SLC11A1: variants seen among roughly 807,000 people sequenced by gnomAD.
SLC11A1 encodes the protein solute carrier family 11 member 1.
Under a neutral mutation model 63.2 loss-of-function variants are expected in SLC11A1, and 59 were observed. The ratio of observed to expected loss-of-function variants is 0.93; its 90% CI spans 0.76 to 1.16. The LOEUF is 1.16. SLC11A1 is among the 50% of genes most tolerant of loss of function. The pLI, the probability that SLC11A1 is intolerant of heterozygous loss-of-function variation, is 0.00. For synonymous variants in SLC11A1, 305 were observed against 307.8 expected (o/e 0.99, Z 0.09); for missense variants, 688 against 730.7 (o/e 0.94, Z 0.67).
Position 218,384,777 on chromosome 2 carries a change from G to A in SLC11A1, c.274-370G>A. 1 of 247,896 alleles carries A rather than the reference G, an allele frequency of 4.0e-6. No homozygotes were observed. The highest frequency in any genetic ancestry group is 8.0e-6 in the Non-Finnish European group (1 of 124,472). The allele number at this position is 247,896 out of a possible 1,614,324, so 15.4% of individuals were successfully genotyped here. A position where few individuals can be genotyped will look rare whatever the true frequency, so the allele number is the denominator to read the frequency against. ...TAATTTTTGTATTTTTAGTAGAGAT[G>A]GGGTTTCACTGTGTGGGCCAGGCTG... On this transcript the variant is annotated intron_variant, in intron 3 of 14. Transcript: ENST00000233202. The surrounding 1 kb of genome is among the most constrained non-coding windows in gnomAD (Gnocchi z 4.0).
At chr2:218,391,157 G>A (rs773355520) in intron 9 of SLC11A1, 41 bp from the exon 10 acceptor site, 89 of 1,575,282 alleles carry the variant, frequency 5.6e-5, no homozygotes, top group African/African-American at 1.8e-4. Context: ...AAGGCTGAGC[G>A]TGCTCCTCAC....
At position 218,384,310 on chromosome 2, in the gene SLC11A1, T is replaced by G. The variant is rs754628001; in HGVS notation, c.218T>G (p.Leu73Arg). 1 of 1,608,978 alleles carries G rather than the reference T, an allele frequency of 6.2e-7. No individual in the cohort carries two copies. Among genetic ancestry groups the G allele is most frequent in the Non-Finnish European group, 8.5e-7 (1 of 1,176,486 alleles). The part of the protein sequence containing the change: ...GPGFLMSIAF[L>R]DPGNIESDLQ... ...GGCTTCCTCATGAGCATTGCTTTCCTGGACCCAGGAAACATCGAGTCAGAT... is the reference window on the plus strand; with the variant it reads ...GGCTTCCTCATGAGCATTGCTTTCCGGGACCCAGGAAACATCGAGTCAGAT... The change falls in exon 3 of 15, where the codon CTG becomes CGG. Residue 73 changes from leucine (L) to arginine (R), a missense_variant. Physicochemically the swap from Leu to Arg is moderately radical, Grantham distance 102. Transcript: ENST00000233202. This position sits in a 1 kb window ranked among gnomAD's most constrained non-coding sequence, Gnocchi z 4.0.
chr2:218,387,282 C>G lies in SLC11A1; in HGVS notation c.571+52C>G, dbSNP rs753757940. On this transcript the variant is annotated intron_variant, in intron 6 of 14. Transcript: ENST00000233202. The stretch of plus-strand genomic sequence containing the variant: ...GAGTGGTGGTGGTGAGGGTGCTGTA[C>G]TGGGAGAAGGGCTCTGACATCGAAC... 4.6e-6 allele frequency: 7 copies of G among 1,520,540 alleles called. No homozygotes were observed. In the Admixed American group the frequency reaches 7.0e-5, roughly 15 times the overall value. 94.2% of individuals were successfully genotyped at this position (1,520,540 alleles called of 1,614,324 possible). A position where few individuals can be genotyped will look rare whatever the true frequency, so the allele number is the denominator to read the frequency against.
In SLC11A1 at chr2:218,385,241, A is replaced by G; in HGVS notation, c.368A>G (p.Glu123Gly). The G allele has an allele frequency of 1.2e-6, 2 of 1,613,980 alleles. No individual in the cohort carries two copies. The highest frequency in any genetic ancestry group is 1.7e-6 in the Non-Finnish European group (2 of 1,179,882). Reference sequence around the variant, plus strand: ...GTGGTGACAGGCAAGGACTTGGGCGAGGTCTGCCATCTCTACTACCCTAAG... The same window carrying G: ...GTGGTGACAGGCAAGGACTTGGGCGGGGTCTGCCATCTCTACTACCCTAAG... Reference protein sequence around the residue: ...LGVVTGKDLGEVCHLYYPKVP... With the variant: ...LGVVTGKDLGGVCHLYYPKVP... The change falls in exon 4 of 15, where the codon GAG (glutamate) becomes GGG (glycine). Residue 123 changes from glutamate to glycine, a missense_variant. Physicochemically the swap from Glu to Gly is moderately conservative, Grantham distance 98. Transcript: ENST00000233202.
chr2:218,384,088 T>A lies in SLC11A1; in HGVS notation c.151-155T>A, dbSNP rs1420120286. On this transcript the variant is annotated intron_variant, in intron 2 of 14. Coordinates refer to ENST00000233202, the MANE Select transcript of SLC11A1 (RefSeq NM_000578.4). The surrounding 1 kb of genome is among the most constrained non-coding windows in gnomAD (Gnocchi z 4.0). ...CATGCTGCTTCCTCCACCCATGCCC[T>A]CCCCATCCCTTGGGTGGCAGACCCA... 1.5e-6 allele frequency: 1 copy of A among 650,556 alleles called. No homozygotes were observed. The highest frequency in any genetic ancestry group is 2.9e-5 in the Admixed American group (1 of 34,490). The allele number at this position is 650,556 out of a possible 1,614,324, so 40.3% of individuals were successfully genotyped here.
At position 218,394,772 on chromosome 2, in the gene SLC11A1, T is replaced by G. The variant is rs761639098; in HGVS notation, c.1529T>G (p.Leu510Arg). The part of the protein sequence containing the change: ...AALLAAAYLG[L>R]STYLVWTCCL... ...TTGCTGGCCGCAGCCTACCTGGGCCTCAGCACCTACCTGGTACAGTAGGGC... is the reference window on the plus strand; with the variant it reads ...TTGCTGGCCGCAGCCTACCTGGGCCGCAGCACCTACCTGGTACAGTAGGGC... The change falls in exon 14 of 15, where the codon CTC becomes CGC. Residue 510 changes from leucine to arginine, a missense_variant. Coordinates refer to ENST00000233202, the MANE Select transcript of SLC11A1 (RefSeq NM_000578.4). 5 of 1,612,626 alleles carry G rather than the reference T, an allele frequency of 3.1e-6. No homozygotes were observed. Among genetic ancestry groups the G allele is most frequent in the Non-Finnish European group, 4.2e-6 (5 of 1,180,020 alleles).
intron 11 of SLC11A1, chr2:218,392,054 C>CCTTTT (rs903885732): frequency 7.9e-6 from 3 of 381,840 alleles, no homozygotes; most frequent in African/African-American, 2.2e-5. Context: ...CTGCGTCCGG[C>CCTTTT]CTTTTCTTTT....
intron 1 of SLC11A1, 112 bp from the exon 2 acceptor site, chr2:218,382,848 G>C: frequency 7.3e-7 from 1 of 1,367,016 alleles, no homozygotes; most frequent in Non-Finnish European, 1.0e-6. Context: ...TGGGGGCCAG[G>C]GACCTTAGTT....
Position 218,395,439 on chromosome 2 carries a change from G to T in SLC11A1, c.*404G>T, listed in dbSNP as rs1265051315. The T allele has an allele frequency of 1.1e-5, 2 of 176,346 alleles. No homozygotes were observed. Among genetic ancestry groups the T allele is most frequent in the Non-Finnish European group, 2.4e-5 (2 of 82,640 alleles). The allele number at this position is 176,346 out of a possible 1,614,324, so 10.9% of individuals were successfully genotyped here. A position where few individuals can be genotyped will look rare whatever the true frequency, so the allele number is the denominator to read the frequency against. ...ACTGGAGCTTGAAATAGTGTCTGAT[G>T]AATGTTAAATTATCTATCTATCTAT... On this transcript the variant is annotated 3_prime_UTR_variant, in exon 15 of 15. Coordinates refer to ENST00000233202, the MANE Select transcript of SLC11A1 (RefSeq NM_000578.4).
intron 4 of SLC11A1, 127 bp from the exon 5 acceptor site, chr2:218,386,508 C>A: frequency 1.6e-6 from 1 of 644,910 alleles, no homozygotes; most frequent in Non-Finnish European, 2.8e-6. Context: ...GCTCTTCCTA[C>A]ATAAGGTAGG....
intron 4 of SLC11A1, 99 bp downstream of exon 4, chr2:218,385,365 G>A (rs771042231): frequency 1.4e-5 from 21 of 1,507,422 alleles, no homozygotes; most frequent in Non-Finnish European, 1.9e-5. Context: ...TCTCACATGG[G>A]GCATCCCAAG....
At chr2:218,386,953 C>A in intron 5 of SLC11A1, 1 of 647,258 alleles carries the variant, frequency 1.5e-6, no homozygotes, top group Non-Finnish European at 2.8e-6. Context: ...CCCAAACTCC[C>A]TGCTGCGCCG....
rs140098828 is a variant in SLC11A1, at chr2:218,391,270, G to A, written c.1027G>A (p.Val343Met). 75 of 1,608,750 alleles carry A rather than the reference G, an allele frequency of 4.7e-5. No homozygotes were observed. In the African/African-American group the frequency reaches 4.8e-4, roughly 10 times the overall value. The change falls in exon 10 of 15, where the codon GTG (valine) becomes ATG (methionine). Residue 343 changes from valine to methionine, a missense_variant. Coordinates refer to ENST00000233202, the MANE Select transcript of SLC11A1 (RefSeq NM_000578.4). ...CCCCATGAACAACGCCACCGTGGCC[G>A]TGGACATTTACCAGGGGGTGAGCGC... Reference protein sequence around the residue: ...IFPMNNATVAVDIYQGGVILG... With the variant: ...IFPMNNATVAMDIYQGGVILG...
intron 3 of SLC11A1, 70 bp from the exon 4 acceptor site, chr2:218,385,077 G>A (rs1696009217): frequency 1.9e-6 from 3 of 1,599,454 alleles, no homozygotes; most frequent in African/African-American, 1.3e-5. Flanking sequence ...TTGGTTAGAG[G>A]GTACCACGAG....
rs138316650 is a variant in SLC11A1, at chr2:218,394,693, G to C, written c.1450G>C (p.Val484Leu). 917 of 1,614,024 alleles carry C rather than the reference G, an allele frequency of 5.7e-4. 11 individuals carry two copies. The South Asian group carries it at 9.6e-3, about 17-fold the overall frequency. ...AGTCTGCGCCATCAACCTCTACTTCGTGGTCAGCTATCTGCCCAGCCTGCC... is the reference window on the plus strand; with the variant it reads ...AGTCTGCGCCATCAACCTCTACTTCCTGGTCAGCTATCTGCCCAGCCTGCC... ...VLVCAINLYF[V>L]VSYLPSLPHP... Residue 484 changes from valine to leucine, a missense_variant, in exon 14 of 15, where the codon GTG becomes CTG. Transcript: ENST00000233202.
At chr2:218,391,311 G>GGGGGGGGGGGGGGC in intron 10 of SLC11A1, 24 bp downstream of exon 10, 1 of 646,130 alleles carries the variant, frequency 1.5e-6, no homozygotes, top group Non-Finnish European at 2.8e-6. Flanking sequence ...GGTGGGGAGG[G>GGGGGGGGGGGGGGC]CGTGACCCAG....
rs13062 is a variant in SLC11A1 at position 218,395,928 on chromosome 2, C to A, written c.*893C>A. ...GCAACCCATTTTCCAGACAGTAAAA[C>A]GGCGGCGCACTTCTTTCTCCGTCAG... On this transcript the variant is annotated 3_prime_UTR_variant, in exon 15 of 15. Coordinates refer to ENST00000233202, the MANE Select transcript of SLC11A1 (RefSeq NM_000578.4). The A allele has an allele frequency of 0.36, 55,573 of 152,356 alleles. 10,278 individuals carry two copies. The highest frequency in any genetic ancestry group is 0.4 in the African/African-American group (16,507 of 41,486). The allele number at this position is 152,356 out of a possible 1,614,324, so 9.4% of individuals were successfully genotyped here. A position where few individuals can be genotyped will look rare whatever the true frequency, so the allele number is the denominator to read the frequency against.
chr2:218,390,906 G>A (rs781037066), intron 9 of SLC11A1, among the ~76,000 whole-genome samples: 18 of 152,152 alleles, frequency 1.2e-4, no homozygotes, highest in Non-Finnish European at 2.5e-4. Context: ...ACCCGGCCGG[G>A]TGCGGTGGCT....
At chr2:218,389,742 C>A in intron 8 of SLC11A1, 128 bp from the exon 9 acceptor site, 1 of 926,088 alleles carries the variant, frequency 1.1e-6, no homozygotes, top group Admixed American at 3.1e-5. Context: ...CTGAACCTGC[C>A]CCAGACTGCC....
Sources: gnomAD v4.1 joint callset for allele counts (sites outside exome capture counted in the v4.1 genomes callset) on GRCh38, gnomAD v4.1.1 for gene constraint, Gnocchi (gnomAD v3.1) non-coding constraint, MANE v1.5 for transcripts, NCBI Gene and HGNC (gene_info 2026-07-23, HGNC 2026-07-21) for gene names.